Variants in CD163L1 observed in about 807,000 individuals in gnomAD.
CD163L1 encodes the protein scavenger receptor cysteine-rich type 1 protein M160.
Under a neutral mutation model 165.4 loss-of-function variants are expected in CD163L1, and 124 were observed. The observed-to-expected ratio is 0.75, with a 90% CI of 0.65 to 0.87. The LOEUF (loss-of-function observed/expected upper bound fraction) is 0.87. CD163L1 is among the 40% of genes least tolerant of loss of function. CD163L1 has a pLI of 0.00. For synonymous variants in CD163L1, 585 were observed against 662.2 expected, an observed-to-expected ratio of 0.88 and a Z score of 1.79; for missense variants, 1,525 against 1,799.9, an observed-to-expected ratio of 0.85 and a Z score of 2.76.
At chr12:7,323,436 A>G in the CD163L1 span, 1 of 1,611,350 alleles carries the variant, frequency 6.2e-7, no homozygotes, top group Middle Eastern at 1.7e-4. Context: ...TTTTAAGACC[A>G]TCAATTATTT....
chr12:7,379,234 C>T lies in CD163L1; in HGVS notation c.2115G>A (p.Val705=). The part of the protein sequence containing the change: ...GSSRCAGKVE[V]NVQGAVGILC... ...GAATTCCCACGGCACCCTGGACATT[C>T]ACCTCAACTTTTCCAGCACACCTGC... The change falls in exon 9 of 20, where the codon GTG becomes GTA. Residue 705 remains valine (V), a synonymous_variant. Coordinates refer to ENST00000313599, the MANE Select transcript of CD163L1 (RefSeq NM_174941.6). The T allele has an allele frequency of 6.2e-7, 1 of 1,614,208 alleles. No individual in the cohort carries two copies. The highest frequency in any genetic ancestry group is 8.5e-7 in the Non-Finnish European group (1 of 1,180,024).
rs371023443 is a variant in CD163L1 at position 7,373,349 on chromosome 12, G to A, written c.3701C>T (p.Pro1234Leu). The A allele has an allele frequency of 7.4e-6, 12 of 1,613,484 alleles. No homozygotes were observed. Among genetic ancestry groups the A allele is most frequent in the South Asian group, 1.1e-5 (1 of 91,000 alleles). ...SAPWERRISS[P>L]AEETWITCED... ...ACATGTGATCCAGGTCTCTTCTGCT[G>A]GGCTGGAGATTCTTCGCTCCCATGG... Residue 1234 changes from proline to leucine, a missense_variant, in exon 14 of 20, where the codon CCA becomes CTA. By Grantham distance (98) the Pro-to-Leu change is moderately conservative. Coordinates refer to ENST00000313599, the MANE Select transcript of CD163L1 (RefSeq NM_174941.6).
rs1181589404 is a variant in CD163L1, at chr12:7,369,393, A to G, written c.4003T>C (p.Cys1335Arg). The change falls in exon 15 of 20, where the codon TGT becomes CGT. Residue 1335 changes from cysteine to arginine, a missense_variant. By Grantham distance (180) the Cys-to-Arg change is radical. Transcript: ENST00000313599. This position sits in a 1 kb window ranked among gnomAD's most constrained non-coding sequence, Gnocchi z 4.9. The part of the protein sequence containing the change: ...CHAKPWGQSD[C>R]GHKEDAGVRC... ...ACGCCAGCATCTTCCTTGTGTCCAC[A>G]GTCACTCTGTCCCCAGGGTTTGGCG... is the stretch of plus-strand genomic sequence containing the variant. 6.2e-7 allele frequency: 1 copy of G among 1,614,120 alleles called. No individual in the cohort carries two copies. The highest frequency in any genetic ancestry group is 8.5e-7 in the Non-Finnish European group (1 of 1,179,992).
At chr12:7,409,072 C>T (rs1025134854) in intron 4 of CD163L1, among the ~76,000 whole-genome samples, 12 of 152,084 alleles carry the variant, frequency 7.9e-5, no homozygotes, top group African/African-American at 2.9e-4. Context: ...TATAAACCTA[C>T]AGATGGAATT....
In CD163L1 at chr12:7,403,817, T is replaced by C; in HGVS notation, c.1126A>G (p.Asn376Asp). ...DLELRLADGS[N>D]NCSGRVEVRI... is the part of the protein sequence containing the mutation. ...ACCTCTACTCTCCCTGAACAATTGT[T>C]ACTTCCATCTGCTAGTCGCAGTTCC... The change falls in exon 6 of 20, where the codon AAC becomes GAC. Residue 376 changes from asparagine to aspartate, a missense_variant. Coordinates refer to ENST00000313599, the MANE Select transcript of CD163L1 (RefSeq NM_174941.6). 1 of 1,613,692 alleles carries C rather than the reference T, an allele frequency of 6.2e-7. No homozygotes were observed. The highest frequency in any genetic ancestry group is 8.5e-7 in the Non-Finnish European group (1 of 1,179,866).
In CD163L1 at chr12:7,368,604, G is replaced by A. The variant is rs1371785189; in HGVS notation, c.4072+329C>T. ...TGTACTGGCACGATCTCGGCTCACT[G>A]CAATCTCTGCTTCCTGGGTTTAAGT... On this transcript the variant is annotated intron_variant, in intron 16 of 19. Coordinates refer to ENST00000313599, the MANE Select transcript of CD163L1 (RefSeq NM_174941.6). This position sits in a 1 kb window ranked among gnomAD's most constrained non-coding sequence, Gnocchi z 4.3. Among the ~76,000 whole-genome samples, 3 of 149,172 alleles carry A rather than the reference G, an allele frequency of 2.0e-5. No homozygotes were observed. The highest frequency in any genetic ancestry group is 4.4e-5 in the Non-Finnish European group (3 of 67,658).
At chr12:7,440,916 T>G (rs1045953915) in intron 2 of CD163L1, among the ~76,000 whole-genome samples, 2 of 152,318 alleles carry the variant, frequency 1.3e-5, no homozygotes, top group East Asian at 3.9e-4. Flanking sequence ...CCTGAGCCAC[T>G]GTGCCCGGCC....
chr12:7,369,282 C>T lies in CD163L1; in HGVS notation c.4039+75G>A, dbSNP rs1947093331. 6.9e-7 allele frequency: 1 copy of T among 1,457,032 alleles called. No homozygotes were observed. The highest frequency in any genetic ancestry group is 1.4e-5 in the African/African-American group (1 of 71,560). 90.3% of individuals were successfully genotyped at this position (1,457,032 alleles called of 1,614,324 possible). ...ATCCTAGTATCTTCAGCTCAACTCT[C>T]TGAGTGAGCCTGTTTCCCAGTGTTC... On this transcript the variant is annotated intron_variant, in intron 15 of 19. Transcript: ENST00000313599. This position sits in a 1 kb window ranked among gnomAD's most constrained non-coding sequence, Gnocchi z 4.9.
At chr12:7,433,271 C>T (rs980967180) in intron 3 of CD163L1, 103 bp downstream of exon 3, 25 of 996,000 alleles carry the variant, frequency 2.5e-5, no homozygotes, top group Non-Finnish European at 3.5e-5. Context: ...CCTACACCTC[C>T]CAGAGGGACA....
intron 8 of CD163L1, among the ~76,000 whole-genome samples, chr12:7,388,610 G>A (rs1253166056): frequency 1.3e-5 from 2 of 152,046 alleles, no homozygotes; most frequent in African/African-American, 2.4e-5. Flanking sequence ...AGGGTGTGAT[G>A]GCGCATGCCA....
At chr12:7,377,189 C>T (rs977907574) in intron 9 of CD163L1, among the ~76,000 whole-genome samples, 59 of 152,180 alleles carry the variant, frequency 3.9e-4, no homozygotes, top group Non-Finnish European at 1.0e-4. Context: ...TTGTATTTTC[C>T]TTCTGCGTAT....
chr12:7,415,965 G>A (rs1427762924), intron 4 of CD163L1, among the ~76,000 whole-genome samples: 1 of 152,098 alleles, frequency 6.6e-6, no homozygotes, highest in Non-Finnish European at 1.5e-5. Flanking sequence ...TGGGTAAAAT[G>A]GTATTTATGG....
intron 14 of CD163L1, among the ~76,000 whole-genome samples, chr12:7,370,156 C>T (rs986163994): frequency 3.9e-5 from 6 of 152,176 alleles, no homozygotes; most frequent in African/African-American, 9.7e-5. Context: ...ATCATAACTA[C>T]AAACACTCTC....
the CD163L1 span, among the ~76,000 whole-genome samples, chr12:7,324,760 G>T: frequency 2.0e-5 from 3 of 151,784 alleles, 1 homozygote; most frequent in South Asian, 6.2e-4. Context: ...ACAATAAGTT[G>T]TGTCCCAAAG....
rs1282253608 is a variant in CD163L1, at chr12:7,398,622, G to A, written c.1409-38C>T. The A allele has an allele frequency of 9.3e-6, 14 of 1,500,922 alleles. No individual in the cohort carries two copies. Among genetic ancestry groups the A allele is most frequent in the Non-Finnish European group, 1.2e-5 (13 of 1,121,156 alleles). The allele number at this position is 1,500,922 out of a possible 1,614,324, so 93.0% of individuals were successfully genotyped here. A position where few individuals can be genotyped will look rare whatever the true frequency, so the allele number is the denominator to read the frequency against. On this transcript the variant is annotated intron_variant, in intron 6 of 19. Transcript: ENST00000313599. This position sits in a 1 kb window ranked among gnomAD's most constrained non-coding sequence, Gnocchi z 4.5. ...CAAAACCACATATTTGAGATCAAAT[G>A]AGAGAGTCTTTTCAGAAGACTGAAA...
intron 6 of CD163L1, among the ~76,000 whole-genome samples, chr12:7,401,309 A>T (rs1319493428): frequency 6.6e-6 from 1 of 152,066 alleles, no homozygotes; most frequent in African/African-American, 2.4e-5. Context: ...ATTATATTTT[A>T]AAAATCAGAT....
At chr12:7,357,264 A>C (rs1243879223) in intron 19 of CD163L1, 116 bp downstream of exon 19, 3 of 615,958 alleles carry the variant, frequency 4.9e-6, no homozygotes, top group Non-Finnish European at 5.8e-6. Flanking sequence ...AATACTGGGG[A>C]TATGAACCAG....
intron 8 of CD163L1, among the ~76,000 whole-genome samples, chr12:7,389,896 A>T (rs1417356970): frequency 6.7e-6 from 1 of 149,564 alleles, no homozygotes; most frequent in African/African-American, 2.4e-5. Flanking sequence ...TAGCCATGAT[A>T]TGAAATCAAC....
chr12:7,441,009 C>T (rs1216185499), intron 2 of CD163L1, 145 bp downstream of exon 2: 13 of 579,314 alleles, frequency 2.2e-5, no homozygotes, highest in South Asian at 5.2e-5. Flanking sequence ...ATTTGGACAC[C>T]TTTATTTACA....
Sources: allele counts gnomAD v4.1 joint callset (sites outside exome capture counted in the v4.1 genomes callset), GRCh38; gene constraint gnomAD v4.1.1; non-coding constraint Gnocchi (gnomAD v3.1); transcripts MANE v1.5; gene names NCBI Gene and HGNC (gene_info 2026-07-23, HGNC 2026-07-21).